MAD1L1: variants seen among roughly 807,000 people sequenced by gnomAD.
MAD1L1 encodes mitotic arrest deficient 1 like 1.
In MAD1L1, 95 loss-of-function variants were observed where a neutral mutation model predicts 96.9. The ratio of observed to expected loss-of-function variants is 0.98; its 90% CI spans 0.83 to 1.16. MAD1L1 has a LOEUF of 1.16. Among genes scored for constraint, MAD1L1 ranks in the 50% most tolerant of loss-of-function variants. MAD1L1 has a pLI of 0.00. For synonymous variants in MAD1L1, 473 were observed against 396.6 expected (o/e 1.19, Z -2.29); for missense variants, 1,007 against 954.4 (o/e 1.06, Z -0.73).
intron 3 of MAD1L1, among the ~76,000 whole-genome samples, chr7:2,228,168 C>T (rs1562392426): frequency 1.3e-5 from 2 of 151,888 alleles, no homozygotes; most frequent in South Asian, 2.1e-4. Flanking sequence ...AGGCCTTTAC[C>T]AGTGAGCACT....
intron 12 of MAD1L1, among the ~76,000 whole-genome samples, chr7:2,053,851 C>T (rs1208932901): frequency 6.6e-6 from 1 of 152,246 alleles, no homozygotes; most frequent in Non-Finnish European, 1.5e-5. Flanking sequence ...GTAGACCTGG[C>T]TTCCACAGTG....
chr7:2,039,145 G>A lies in MAD1L1; in HGVS notation c.1219-24503C>T, dbSNP rs1203309977. Among the ~76,000 whole-genome samples, 8 of 152,334 alleles carry A rather than the reference G, an allele frequency of 5.3e-5. No individual in the cohort carries two copies. In the East Asian group the frequency reaches 1.3e-3, roughly 26 times the overall value. On this transcript the variant is annotated intron_variant, in intron 12 of 18. Transcript: ENST00000265854. ...GCAGCACACGACCTTCAGGGACTGG[G>A]CTCTTCGCTCCGCTAAACTCCCTGG...
chr7:1,921,840 T>C (rs1451472201), intron 17 of MAD1L1, among the ~76,000 whole-genome samples: 2 of 152,172 alleles, frequency 1.3e-5, no homozygotes, highest in African/African-American at 4.8e-5. Flanking sequence ...AAAAAATCAA[T>C]TTAGATCTCG....
chr7:2,199,659 C>T (rs951184016), intron 10 of MAD1L1, among the ~76,000 whole-genome samples: 4 of 152,388 alleles, frequency 2.6e-5, no homozygotes, highest in South Asian at 2.1e-4. Flanking sequence ...TCCCAGACAA[C>T]GGAAACCAGA....
intron 18 of MAD1L1, among the ~76,000 whole-genome samples, chr7:1,876,616 T>C (rs1785399085): frequency 6.6e-6 from 1 of 151,928 alleles, no homozygotes; most frequent in African/African-American, 2.4e-5. Flanking sequence ...GTTTTCCATA[T>C]TTTTATATAT....
chr7:2,084,832 G>A (rs1454301613), intron 11 of MAD1L1, among the ~76,000 whole-genome samples: 2 of 152,234 alleles, frequency 1.3e-5, no homozygotes, highest in Non-Finnish European at 2.9e-5. Flanking sequence ...CACGGGGGCA[G>A]GAGGGTGCTC....
intron 11 of MAD1L1, among the ~76,000 whole-genome samples, chr7:2,078,300 C>T (rs990354509): frequency 6.6e-6 from 1 of 152,212 alleles, no homozygotes. Context: ...AGGCTCTGAG[C>T]GCTCCATCCA....
Position 1,874,404 on chromosome 7 carries a change from C to T in MAD1L1, c.1998+23796G>A, listed in dbSNP as rs115455854. The T allele has an allele frequency of 3.7e-3, 1,498 of 409,754 alleles. 17 individuals carry two copies. Among genetic ancestry groups the T allele is most frequent in the African/African-American group, 0.029 (1,398 of 47,816 alleles). 25.4% of individuals were successfully genotyped at this position (409,754 alleles called of 1,614,324 possible). A position where few individuals can be genotyped will look rare whatever the true frequency, so the allele number is the denominator to read the frequency against. On this transcript the variant is annotated intron_variant, in intron 18 of 18. Coordinates refer to ENST00000265854, the MANE Select transcript of MAD1L1 (RefSeq NM_001013836.2). ...CAGCAGCACCGGGACGGGGGTAAGA[C>T]GGTGGCCAGGCCGTGACATCGAGGG... is the stretch of plus-strand genomic sequence containing the variant.
chr7:2,133,316 G>A (rs917065372), intron 11 of MAD1L1, among the ~76,000 whole-genome samples: 10 of 110,106 alleles, frequency 9.1e-5, no homozygotes, highest in Non-Finnish European at 1.2e-4. Flanking sequence ...GAGCATCTCC[G>A]CACGTGCTTC....
At chr7:1,875,890 C>G (rs570780421) in intron 18 of MAD1L1, among the ~76,000 whole-genome samples, 3 of 152,338 alleles carry the variant, frequency 2.0e-5, no homozygotes, top group African/African-American at 7.2e-5. Context: ...AGGGTGGGTC[C>G]TGATCCAGCA....
At chr7:2,016,139 A>C (rs1782529062) in intron 12 of MAD1L1, among the ~76,000 whole-genome samples, 1 of 152,180 alleles carries the variant, frequency 6.6e-6, no homozygotes, top group Non-Finnish European at 1.5e-5. Flanking sequence ...GCTGCCCTGG[A>C]AACAACAGGT....
chr7:1,901,384 G>A (rs1022401462), intron 17 of MAD1L1, among the ~76,000 whole-genome samples: 2 of 152,218 alleles, frequency 1.3e-5, no homozygotes, highest in African/African-American at 4.8e-5. Context: ...GGTTCTATGG[G>A]CCTGGATCCT....
chr7:2,084,380 G>A (rs911303243), intron 11 of MAD1L1, among the ~76,000 whole-genome samples: 2 of 152,234 alleles, frequency 1.3e-5, no homozygotes, highest in African/African-American at 4.8e-5. Flanking sequence ...CTTGCTGGGA[G>A]CAGAGCACTG....
intron 17 of MAD1L1, among the ~76,000 whole-genome samples, chr7:1,935,273 G>C (rs1028016302): frequency 6.6e-6 from 1 of 152,254 alleles, no homozygotes; most frequent in South Asian, 2.1e-4. Flanking sequence ...AAGGGGGCTG[G>C]GGACATGGGG....
intron 11 of MAD1L1, among the ~76,000 whole-genome samples, chr7:2,113,726 G>A (rs904033351): frequency 2.6e-5 from 4 of 152,190 alleles, no homozygotes; most frequent in Non-Finnish European, 4.4e-5. Context: ...AACAGAACAT[G>A]GTGATGTCGC....
intron 10 of MAD1L1, among the ~76,000 whole-genome samples, chr7:2,152,166 G>A (rs185728470): frequency 2.5e-4 from 38 of 152,292 alleles, no homozygotes; most frequent in East Asian, 1.5e-3. Flanking sequence ...CCCAGCCCTC[G>A]GGAGCACTGT....
At chr7:2,115,661 C>T (rs1350300857) in intron 11 of MAD1L1, among the ~76,000 whole-genome samples, 1 of 152,250 alleles carries the variant, frequency 6.6e-6, no homozygotes, top group African/African-American at 2.4e-5. Flanking sequence ...GTGTCAATGC[C>T]GGGCCTGTGG....
At chr7:2,099,070 C>T (rs1447905934) in intron 11 of MAD1L1, among the ~76,000 whole-genome samples, 1 of 152,242 alleles carries the variant, frequency 6.6e-6, no homozygotes, top group African/African-American at 2.4e-5. Flanking sequence ...GACAGAAACA[C>T]AAGTGACCCC....
intron 18 of MAD1L1, among the ~76,000 whole-genome samples, chr7:1,867,373 G>A (rs12672286): frequency 0.28 from 42,233 of 152,152 alleles, 7,023 homozygotes; most frequent in East Asian, 0.46. Context: ...GGAGAGAAGC[G>A]GGTCCAGCAT....
Sources: gnomAD v4.1 joint callset for allele counts (sites outside exome capture counted in the v4.1 genomes callset) on GRCh38, gnomAD v4.1.1 for gene constraint, MANE v1.5 for transcripts, NCBI Gene and HGNC (gene_info 2026-07-23, HGNC 2026-07-21) for gene names.